The following GRM7 variants were observed in gnomAD, a reference collection of about 807,000 sequenced individuals.
The protein encoded by GRM7 is glutamate metabotropic receptor 7, also known as metabotropic glutamate receptor 7.
GRM7 carries 35 observed loss-of-function variants against 84.5 expected under a neutral mutation model. The observed-to-expected ratio is 0.41, with a 90% CI of 0.32 to 0.55. The LOEUF (loss-of-function observed/expected upper bound fraction) is 0.55, where lower values mean the gene tolerates loss of function less well. Ranked by LOEUF, GRM7 falls within the 20% of genes least tolerant of loss-of-function variation. The pLI, the probability that GRM7 is intolerant of heterozygous loss-of-function variation, is 0.19. For synonymous variants in GRM7, 487 were observed against 455.1 expected, an observed-to-expected ratio of 1.07 and a Z score of -0.89; for missense variants, 1,003 against 1,194.6, an observed-to-expected ratio of 0.84 and a Z score of 2.36.
At chr3:7,127,924 A>T (rs1353829) in intron 1 of GRM7, among the ~76,000 whole-genome samples, 1 of 151,884 alleles carries the variant, frequency 6.6e-6, no homozygotes, top group African/African-American at 2.4e-5. Flanking sequence ...GATTAAGATC[A>T]GAATGAAAAG....
chr3:7,450,472 T>C (rs535991610), intron 5 of GRM7, among the ~76,000 whole-genome samples: 1 of 152,248 alleles, frequency 6.6e-6, no homozygotes, highest in East Asian at 1.9e-4. Flanking sequence ...GAAAAACACA[T>C]ACAGGCATAT....
At chr3:7,200,160 A>G (rs924637679) in intron 2 of GRM7, among the ~76,000 whole-genome samples, 3 of 152,132 alleles carry the variant, frequency 2.0e-5, no homozygotes, top group African/African-American at 7.2e-5. Flanking sequence ...AAAATCAAGA[A>G]ATCACTCACC....
chr3:7,444,793 A>C (rs1201553735), intron 5 of GRM7, among the ~76,000 whole-genome samples: 1 of 152,180 alleles, frequency 6.6e-6, no homozygotes, highest in Non-Finnish European at 1.5e-5. Context: ...AAGAAAACAC[A>C]GTTTTAAGTG....
intron 1 of GRM7, among the ~76,000 whole-genome samples, chr3:7,128,245 A>G (rs1693467173): frequency 6.6e-6 from 1 of 151,866 alleles, no homozygotes; most frequent in Non-Finnish European, 1.5e-5. Flanking sequence ...AATAAAATGC[A>G]TCTCATCATT....
intron 1 of GRM7, among the ~76,000 whole-genome samples, chr3:7,076,120 T>C (rs1341043749): frequency 6.6e-6 from 1 of 152,140 alleles, no homozygotes; most frequent in Non-Finnish European, 1.5e-5. Flanking sequence ...AGAGTGCAAA[T>C]ATGGGTTATT....
At chr3:6,998,247 A>T (rs571336552) in intron 1 of GRM7, among the ~76,000 whole-genome samples, 7 of 151,964 alleles carry the variant, frequency 4.6e-5, no homozygotes, top group Non-Finnish European at 7.4e-5. Context: ...GCCCCATTCA[A>T]GTTGGAAATC....
intron 1 of GRM7, chr3:6,956,708 G>A: frequency 2.2e-6 from 1 of 452,886 alleles, no homozygotes; most frequent in Non-Finnish European, 4.4e-6. Context: ...CTGAAAAAAG[G>A]TTTATATCTC....
At chr3:7,114,521 C>G (rs1692966304) in intron 1 of GRM7, among the ~76,000 whole-genome samples, 1 of 152,090 alleles carries the variant, frequency 6.6e-6, no homozygotes, top group Non-Finnish European at 1.5e-5. Flanking sequence ...ATTAAACATG[C>G]ACATCTGGAA....
intron 5 of GRM7, among the ~76,000 whole-genome samples, chr3:7,416,587 A>T (rs1696169115): frequency 6.6e-6 from 1 of 152,112 alleles, no homozygotes; most frequent in Non-Finnish European, 1.5e-5. Context: ...GTTTTCTGTG[A>T]AAAAGGAGAA....
rs755855280 is a variant in GRM7 at position 7,188,087 on chromosome 3, T to G, written c.736+41419T>G. ...TTAATAGAGGAGGAATGATGTGGGG[T>G]GGGTATTGGCTATTATACTTAGCAT... On this transcript the variant is annotated intron_variant, in intron 2 of 9. Coordinates refer to ENST00000357716, the MANE Select transcript of GRM7 (RefSeq NM_000844.4). This position sits in a 1 kb window ranked among gnomAD's most constrained non-coding sequence, Gnocchi z 4.2. Among the ~76,000 whole-genome samples, 2 of 152,002 alleles carry G rather than the reference T, an allele frequency of 1.3e-5. No homozygotes were observed. Among genetic ancestry groups the G allele is most frequent in the African/African-American group, 4.8e-5 (2 of 41,384 alleles).
chr3:7,735,326 A>G (rs1702468242), intron 9 of GRM7, among the ~76,000 whole-genome samples: 1 of 147,840 alleles, frequency 6.8e-6, no homozygotes, highest in Non-Finnish European at 1.5e-5. Context: ...GGTTTAAGAA[A>G]TATCCCCATG....
At chr3:7,572,770 C>T (rs574454097) in intron 7 of GRM7, among the ~76,000 whole-genome samples, 1 of 126,360 alleles carries the variant, frequency 7.9e-6, no homozygotes, top group East Asian at 2.3e-4. Flanking sequence ...TGCAGTGAGC[C>T]GAGATTGTGC....
chr3:7,127,999 C>T (rs927899044), intron 1 of GRM7, among the ~76,000 whole-genome samples: 12 of 151,820 alleles, frequency 7.9e-5, no homozygotes, highest in African/African-American at 2.9e-4. Flanking sequence ...GTAGGAAACA[C>T]ACACTATAAT....
intron 4 of GRM7, among the ~76,000 whole-genome samples, chr3:7,367,783 A>G (rs539315721): frequency 1.3e-3 from 192 of 152,066 alleles, no homozygotes; most frequent in Middle Eastern, 6.8e-3. Context: ...AGTCCAGAGA[A>G]TAAAATTCCC....
intron 4 of GRM7, among the ~76,000 whole-genome samples, chr3:7,339,992 T>C (rs1437471098): frequency 6.6e-6 from 1 of 152,102 alleles, no homozygotes; most frequent in Non-Finnish European, 1.5e-5. Flanking sequence ...GAAATAACTT[T>C]CCTAAAAATC....
At position 7,050,429 on chromosome 3, in the gene GRM7, C is replaced by A. The variant is rs955932996; in HGVS notation, c.520-96023C>A. The stretch of plus-strand genomic sequence containing the variant: ...AGTCATAAGCTTCGTAGCCTGGAAA[C>A]AAAATTTAAATCTGTGACAGTTTCA... On this transcript the variant is annotated intron_variant, in intron 1 of 9. Coordinates refer to ENST00000357716, the MANE Select transcript of GRM7 (RefSeq NM_000844.4). 2.0e-5 allele frequency among the ~76,000 whole-genome samples: 3 copies of A among 151,802 alleles called. No individual in the cohort carries two copies. In the East Asian group the frequency reaches 5.8e-4, roughly 29 times the overall value.
At chr3:7,042,596 A>G (rs1696668049) in intron 1 of GRM7, among the ~76,000 whole-genome samples, 1 of 152,072 alleles carries the variant, frequency 6.6e-6, no homozygotes, top group Non-Finnish European at 1.5e-5. Context: ...TCTCATCTGC[A>G]ATGTCTAATA....
chr3:7,364,381 A>T (rs1693791571), intron 4 of GRM7, among the ~76,000 whole-genome samples: 1 of 151,666 alleles, frequency 6.6e-6, no homozygotes, highest in Non-Finnish European at 1.5e-5. Context: ...TAAGTTTATG[A>T]TGAGTGTCTT....
intron 1 of GRM7, among the ~76,000 whole-genome samples, chr3:7,111,077 T>A (rs1158747739): frequency 6.6e-6 from 1 of 152,054 alleles, no homozygotes; most frequent in East Asian, 1.9e-4. Context: ...AGAAATTGAC[T>A]GATGTGGGGT....
Sources: gnomAD v4.1 joint callset for allele counts (sites outside exome capture counted in the v4.1 genomes callset) on GRCh38, gnomAD v4.1.1 for gene constraint, Gnocchi (gnomAD v3.1) non-coding constraint, MANE v1.5 for transcripts, NCBI Gene and HGNC (gene_info 2026-07-23, HGNC 2026-07-21) for gene names.